Variants in VPS50 observed in about 807,000 individuals in gnomAD.
The protein encoded by VPS50 is VPS50 subunit of EARP/GARPII complex, also known as syndetin.
In VPS50, 70 loss-of-function variants were observed where a neutral mutation model predicts 139.7. The observed-to-expected ratio is 0.50, with a 90% CI of 0.41 to 0.61. The LOEUF (loss-of-function observed/expected upper bound fraction) is 0.61, where lower values mean the gene tolerates loss of function less well. Ranked by LOEUF, VPS50 falls within the 20% of genes least tolerant of loss-of-function variation. VPS50 has a pLI of 0.00. For missense variants in VPS50, 921 were observed against 1,133.7 expected (o/e 0.81, Z 2.69); for synonymous variants, 365 against 376.7 (o/e 0.97, Z 0.36).
intron 20 of VPS50, among the ~76,000 whole-genome samples, chr7:93,321,961 A>G (rs909651491): frequency 1.3e-5 from 2 of 152,250 alleles, no homozygotes; most frequent in Non-Finnish European, 2.9e-5. Flanking sequence ...AAATACCTGC[A>G]TAATGATCCA....
At chr7:93,259,761 A>G (rs1046106446) in intron 9 of VPS50, 129 bp downstream of exon 9, 5 of 519,188 alleles carry the variant, frequency 9.6e-6, no homozygotes, top group South Asian at 9.5e-5. Flanking sequence ...TCATATTTAT[A>G]TATGGGCAGT....
At chr7:93,251,201 A>T (rs1432366464) in intron 2 of VPS50, among the ~76,000 whole-genome samples, 1 of 152,236 alleles carries the variant, frequency 6.6e-6, no homozygotes, top group Non-Finnish European at 1.5e-5. Flanking sequence ...AGGATTATAG[A>T]TCATTCTATA....
chr7:93,296,221 CAT>C (rs1364536400), intron 14 of VPS50, among the ~76,000 whole-genome samples: 3 of 152,036 alleles, frequency 2.0e-5, no homozygotes, highest in African/African-American at 4.8e-5. Context: ...AGAGGTTTGA[CAT>C]ATATTTTCTC....
intron 10 of VPS50, among the ~76,000 whole-genome samples, chr7:93,271,704 C>A (rs1291660259): frequency 6.6e-6 from 1 of 151,594 alleles, no homozygotes; most frequent in Non-Finnish European, 1.5e-5. Context: ...AACGTAGAAA[C>A]TAAAAAGGAA....
intron 21 of VPS50, among the ~76,000 whole-genome samples, chr7:93,328,810 GA>G (rs1287855896): frequency 6.6e-6 from 1 of 151,966 alleles, no homozygotes; most frequent in Non-Finnish European, 1.5e-5. Context: ...ACGCTCAGAA[GA>G]AAAAAATCCA....
intron 21 of VPS50, among the ~76,000 whole-genome samples, chr7:93,325,429 C>T (rs1797740461): frequency 1.3e-5 from 2 of 151,978 alleles, no homozygotes; most frequent in Non-Finnish European, 2.9e-5. Context: ...GCAATGGCAA[C>T]AAAAGCCAAA....
At chr7:93,356,159 A>T (rs1037460463) in intron 27 of VPS50, 79 bp downstream of exon 27, 1 of 676,900 alleles carries the variant, frequency 1.5e-6, no homozygotes, top group Non-Finnish European at 2.3e-6. Context: ...TATTTAATTC[A>T]AAATCATGAG....
chr7:93,251,244 C>G (rs1362597035), intron 2 of VPS50, among the ~76,000 whole-genome samples: 1 of 152,132 alleles, frequency 6.6e-6, no homozygotes, highest in African/African-American at 2.4e-5. Context: ...TATTGCGGCA[C>G]TATTCACAAT....
chr7:93,252,836 A>C (rs1326654625), intron 3 of VPS50, 61 bp downstream of exon 3: 5 of 1,338,952 alleles, frequency 3.7e-6, no homozygotes, highest in Non-Finnish European at 5.1e-6. Flanking sequence ...TGGATTTATG[A>C]GATTTGAATA....
intron 23 of VPS50, among the ~76,000 whole-genome samples, chr7:93,347,971 A>C: frequency 6.6e-6 from 1 of 151,918 alleles, no homozygotes; most frequent in Non-Finnish European, 1.5e-5. Flanking sequence ...AAAAAGTATT[A>C]TAATAATAAT....
chr7:93,296,782 A>G lies in VPS50; in HGVS notation c.1208A>G (p.Asp403Gly). The G allele has an allele frequency of 1.2e-6, 2 of 1,605,846 alleles. No individual in the cohort carries two copies. Among genetic ancestry groups the G allele is most frequent in the Non-Finnish European group, 1.7e-6 (2 of 1,178,396 alleles). The change falls in exon 15 of 28, where the codon GAT becomes GGT. Residue 403 changes from aspartate (D) to glycine (G), a missense_variant. Around this residue, in one of 3 missense-constraint regions of VPS50, gnomAD observed 744 missense variants for 930.6 expected, o/e 0.80. Coordinates refer to ENST00000305866, the MANE Select transcript of VPS50 (RefSeq NM_017667.4). ...LKVKTYLLGT[D>G]LSIFKYDDFI... is the part of the protein sequence containing the mutation. ...GTAAAAACCTACTTGCTTGGAACTG[A>G]TTTGTCTATATTCAAATATGATGAT...
intron 9 of VPS50, among the ~76,000 whole-genome samples, chr7:93,261,570 C>T (rs918808065): frequency 3.3e-4 from 49 of 147,242 alleles, no homozygotes; most frequent in Non-Finnish European, 6.7e-4. Flanking sequence ...CCCAGCTACT[C>T]GGGAGGCTGA....
At chr7:93,283,814 G>A (rs1796401501) in intron 12 of VPS50, among the ~76,000 whole-genome samples, 1 of 152,196 alleles carries the variant, frequency 6.6e-6, no homozygotes. Context: ...GCAATGCCAT[G>A]AGAGTAGGAA....
chr7:93,348,287 G>A (rs1385270768), intron 23 of VPS50, among the ~76,000 whole-genome samples: 3 of 152,024 alleles, frequency 2.0e-5, no homozygotes, highest in Admixed American at 6.6e-5. Flanking sequence ...GGAATGTTGG[G>A]GTTACTTCTG....
intron 12 of VPS50, among the ~76,000 whole-genome samples, chr7:93,279,764 G>A (rs1259700646): frequency 7.2e-5 from 11 of 152,174 alleles, no homozygotes. Context: ...TGAAGGAAGT[G>A]TTTAGTCATA....
intron 9 of VPS50, among the ~76,000 whole-genome samples, chr7:93,268,635 T>C (rs531781965): frequency 6.6e-6 from 1 of 152,314 alleles, no homozygotes; most frequent in Admixed American, 6.5e-5. Flanking sequence ...GCTTCATCCA[T>C]GTCCCTGCAA....
intron 12 of VPS50, among the ~76,000 whole-genome samples, chr7:93,285,036 T>A (rs1311193812): frequency 6.6e-6 from 1 of 152,220 alleles, no homozygotes; most frequent in African/African-American, 2.4e-5. Flanking sequence ...GGCCTGGTGC[T>A]GTTTTGACCA....
At chr7:93,333,725 A>G (rs1334755472) in intron 21 of VPS50, among the ~76,000 whole-genome samples, 1 of 152,238 alleles carries the variant, frequency 6.6e-6, no homozygotes, top group Non-Finnish European at 1.5e-5. Context: ...ATAACCAAAA[A>G]ATATAAATAA....
intron 4 of VPS50, 38 bp from the exon 5 acceptor site, chr7:93,256,471 T>C (rs1795486478): frequency 1.0e-6 from 1 of 981,486 alleles, no homozygotes; most frequent in Non-Finnish European, 1.5e-6. Context: ...ATGAAGTTTG[T>C]TCTTTTATTT....
Sources: gnomAD v4.1 joint callset for allele counts (sites outside exome capture counted in the v4.1 genomes callset) on GRCh38, gnomAD v4.1.1 for gene constraint, gnomAD v4.1.1 regional missense constraint, MANE v1.5 for transcripts, NCBI Gene and HGNC (gene_info 2026-07-23, HGNC 2026-07-21) for gene names.